The following GMDS variants were observed in gnomAD, a reference collection of about 807,000 sequenced individuals.
GMDS encodes the protein GDP-mannose 4,6-dehydratase, also known as GDP-mannose 4,6 dehydratase.
A neutral mutation model predicts 49.9 loss-of-function variants in GMDS; 20 were observed. The ratio of observed to expected loss-of-function variants is 0.40; its 90% CI spans 0.28 to 0.58. GMDS has a LOEUF of 0.58. Among genes scored for constraint, GMDS ranks in the 20% least tolerant of loss-of-function variants. GMDS has a pLI of 0.42. For synonymous variants in GMDS, 177 were observed against 178.6 expected (o/e 0.99, Z 0.07); for missense variants, 362 against 481.4 (o/e 0.75, Z 2.32).
Position 1,778,075 on chromosome 6 carries a change from CT to C in GMDS, c.772-35490del, listed in dbSNP as rs1206484631. On this transcript the variant is annotated intron_variant, in intron 7 of 10. Transcript: ENST00000380815. The surrounding 1 kb of genome is among the most constrained non-coding windows in gnomAD (Gnocchi z 4.6). ...GGGGTGCACGCATTAAAAAAAGAAG[CT>C]GAAAAATGGAACTTTGTTTTATTTT... is the stretch of plus-strand genomic sequence containing the variant. Among the ~76,000 whole-genome samples the C allele has an allele frequency of 1.3e-5, 2 of 152,092 alleles. No individual in the cohort carries two copies. The highest frequency in any genetic ancestry group is 4.8e-5 in the African/African-American group (2 of 41,408).
At chr6:2,114,290 T>C (rs1774719132) in intron 4 of GMDS, among the ~76,000 whole-genome samples, 1 of 152,224 alleles carries the variant, frequency 6.6e-6, no homozygotes, top group South Asian at 2.1e-4. Context: ...CAAAACATTC[T>C]GTTTTGTCTG....
chr6:1,779,639 T>C (rs1266370249), intron 7 of GMDS, among the ~76,000 whole-genome samples: 1 of 152,168 alleles, frequency 6.6e-6, no homozygotes, highest in African/African-American at 2.4e-5. Context: ...AAAAGCGCTC[T>C]TGTGTTTCCC....
At chr6:2,211,294 A>T (rs1780050478) in intron 1 of GMDS, among the ~76,000 whole-genome samples, 1 of 152,078 alleles carries the variant, frequency 6.6e-6, no homozygotes, top group Non-Finnish European at 1.5e-5. Context: ...CACGTACTTG[A>T]CGTCTGGGGC....
intron 7 of GMDS, among the ~76,000 whole-genome samples, chr6:1,909,672 TG>T (rs111594837): frequency 9.7e-4 from 148 of 152,298 alleles, no homozygotes; most frequent in African/African-American, 3.4e-3. Context: ...ACTCTCCCTC[TG>T]GGGAGAAGAC....
At chr6:2,010,188 G>A (rs1767465247) in intron 4 of GMDS, among the ~76,000 whole-genome samples, 1 of 152,002 alleles carries the variant, frequency 6.6e-6, no homozygotes, top group Admixed American at 6.5e-5. Flanking sequence ...TTAGCCAGGT[G>A]TGGTGGTGGT....
At position 2,126,744 on chromosome 6, in the gene GMDS, G is replaced by A. The variant is rs561981322; in HGVS notation, c.103-2013C>T. On this transcript the variant is annotated intron_variant, in intron 1 of 10. Coordinates refer to ENST00000380815, the MANE Select transcript of GMDS (RefSeq NM_001500.4). Reference sequence around the variant, plus strand: ...CTGCCTCCGGGTTCAAGCGATTCTCGTGCCTCAGCCTCCCAAATAGCTGGG... The same window carrying A: ...CTGCCTCCGGGTTCAAGCGATTCTCATGCCTCAGCCTCCCAAATAGCTGGG... 3.0e-4 allele frequency among the ~76,000 whole-genome samples: 46 copies of A among 152,142 alleles called. 1 individual carries two copies. The highest frequency in any genetic ancestry group is 2.2e-3 in the Admixed American group (33 of 15,290).
At chr6:1,825,252 T>A (rs748394455) in intron 7 of GMDS, among the ~76,000 whole-genome samples, 1 of 152,202 alleles carries the variant, frequency 6.6e-6, no homozygotes, top group East Asian at 1.9e-4. Context: ...CAAAACATCA[T>A]GACTCTTGGG....
At chr6:1,747,483 T>C (rs1296717334) in intron 7 of GMDS, among the ~76,000 whole-genome samples, 1 of 2,956 alleles carries the variant, frequency 3.4e-4, no homozygotes, top group African/African-American at 8.7e-4. Flanking sequence ...CGCTCATGCG[T>C]GTGCGCGCAC....
intron 4 of GMDS, among the ~76,000 whole-genome samples, chr6:2,102,481 T>C (rs961706910): frequency 5.9e-5 from 9 of 152,170 alleles, no homozygotes; most frequent in Non-Finnish European, 1.2e-4. Flanking sequence ...ACGATTCTTT[T>C]GAAACCAAGC....
intron 4 of GMDS, among the ~76,000 whole-genome samples, chr6:1,999,334 A>C (rs913760064): frequency 1.3e-5 from 2 of 151,786 alleles, no homozygotes; most frequent in African/African-American, 4.8e-5. Context: ...AAAAAAAAAA[A>C]AAAAAACTGC....
At chr6:1,645,195 A>G (rs1018240160) in intron 9 of GMDS, among the ~76,000 whole-genome samples, 9 of 151,684 alleles carry the variant, frequency 5.9e-5, no homozygotes, top group Admixed American at 5.9e-4. Flanking sequence ...CGGCCTCCCA[A>G]AGTGCTGGGA....
intron 4 of GMDS, among the ~76,000 whole-genome samples, chr6:2,007,264 T>C (rs1767248044): frequency 6.6e-6 from 1 of 152,136 alleles, no homozygotes; most frequent in African/African-American, 2.4e-5. Flanking sequence ...ACAAAGTGTG[T>C]TACTGAATGA....
chr6:1,793,463 C>A (rs539146569), intron 7 of GMDS, among the ~76,000 whole-genome samples: 12 of 152,140 alleles, frequency 7.9e-5, no homozygotes, highest in Non-Finnish European at 1.5e-4. Context: ...TCAAGAAGTT[C>A]ATGAACAAAA....
intron 7 of GMDS, among the ~76,000 whole-genome samples, chr6:1,834,681 T>G (rs943015708): frequency 2.0e-5 from 3 of 152,236 alleles, no homozygotes; most frequent in Non-Finnish European, 4.4e-5. Context: ...TAAACTTATA[T>G]AAACTATAAC....
At chr6:2,064,558 C>A (rs1184953952) in intron 4 of GMDS, among the ~76,000 whole-genome samples, 1 of 152,130 alleles carries the variant, frequency 6.6e-6, no homozygotes, top group East Asian at 1.9e-4. Context: ...CACCTAGGAT[C>A]CCAAAGGACC....
chr6:1,720,582 T>C (rs931376776), intron 9 of GMDS, among the ~76,000 whole-genome samples: 4 of 152,302 alleles, frequency 2.6e-5, no homozygotes, highest in Admixed American at 1.3e-4. Context: ...CACACTACTG[T>C]GGTCCAAAAG....
At chr6:1,663,967 A>C (rs1764164890) in intron 9 of GMDS, among the ~76,000 whole-genome samples, 1 of 152,186 alleles carries the variant, frequency 6.6e-6, no homozygotes, top group Non-Finnish European at 1.5e-5. Flanking sequence ...TAGCACCCTC[A>C]GGACCCAGAG....
intron 7 of GMDS, among the ~76,000 whole-genome samples, chr6:1,868,442 C>A (rs1330853082): frequency 6.6e-6 from 1 of 152,094 alleles, no homozygotes; most frequent in East Asian, 1.9e-4. Context: ...CGCAGTGATC[C>A]CGGTTGAATG....
rs1273532037 is a variant in GMDS at position 1,833,285 on chromosome 6, G to A, written c.772-90699C>T. On this transcript the variant is annotated intron_variant, in intron 7 of 10. Transcript: ENST00000380815. This position sits in a 1 kb window ranked among gnomAD's most constrained non-coding sequence, Gnocchi z 4.4. Reference sequence around the variant, plus strand: ...ACGTGTCAGTGACTTCCAGAGAAGGGGAGGCCCCAGAACAACACTGGACAC... The same window carrying A: ...ACGTGTCAGTGACTTCCAGAGAAGGAGAGGCCCCAGAACAACACTGGACAC... 1.3e-5 allele frequency among the ~76,000 whole-genome samples: 2 copies of A among 151,856 alleles called. No individual in the cohort carries two copies. The highest frequency in any genetic ancestry group is 2.1e-4 in the South Asian group (1 of 4,780).
Sources: gnomAD v4.1 joint callset for allele counts (sites outside exome capture counted in the v4.1 genomes callset) on GRCh38, gnomAD v4.1.1 for gene constraint, Gnocchi (gnomAD v3.1) non-coding constraint, MANE v1.5 for transcripts, NCBI Gene and HGNC (gene_info 2026-07-23, HGNC 2026-07-21) for gene names.